Variants in CHEK1 observed in about 807,000 individuals in gnomAD.
CHEK1 encodes the protein serine/threonine-protein kinase Chk1.
Under a neutral mutation model 60.2 loss-of-function variants are expected in CHEK1, and 32 were observed. That is an observed-to-expected ratio of 0.53 (90% CI 0.40 to 0.71). CHEK1 has a LOEUF of 0.71. CHEK1 is among the 30% of genes least tolerant of loss of function. The probability of loss-of-function intolerance (pLI) is 0.00; values close to 1 mark genes in which losing one functional copy is unlikely to be tolerated. For synonymous variants in CHEK1, 179 were observed against 187.2 expected, an observed-to-expected ratio of 0.96 and a Z score of 0.36; for missense variants, 399 against 564.6, an observed-to-expected ratio of 0.71 and a Z score of 2.97.
In CHEK1 at chr11:125,626,148, C is replaced by A. The variant is rs2135965949; in HGVS notation, c.-21+136C>A. 3 of 610,248 alleles carry A rather than the reference C, an allele frequency of 4.9e-6. No homozygotes were observed. The South Asian group carries it at 5.6e-5, about 11-fold the overall frequency. 37.8% of individuals were successfully genotyped at this position (610,248 alleles called of 1,614,324 possible). On this transcript the variant is annotated intron_variant, in intron 1 of 12. Transcript: ENST00000438015. ...GATTGGAGAGACTCCTGCGGAGGGG[C>A]GGTTTCGGAGGGTGGAGGAATGGTA...
At chr11:125,677,665 C>CT, downstream of CHEK1, 2 of 1,270,256 alleles carry the variant, frequency 1.6e-6, no homozygotes, top group Non-Finnish European at 2.2e-6. Flanking sequence ...ACTAGAGAGA[C>CT]TTTGAGAGAG....
At chr11:125,639,963 A>G (rs193196284) in intron 8 of CHEK1, among the ~76,000 whole-genome samples, 558 of 152,264 alleles carry the variant, frequency 3.7e-3, no homozygotes, top group Non-Finnish European at 6.3e-3. Context: ...TCTCATCAGC[A>G]TATCTACATG....
Position 125,655,413 on chromosome 11 carries a change from C to A in CHEK1, c.*93C>A. ...GAAGATTATCCTGTCCTGCAAACTG[C>A]AAATAGTAGTTCCTGAAGTGTTCAC... On this transcript the variant is annotated 3_prime_UTR_variant, in exon 13 of 13. Transcript: ENST00000438015. The A allele has an allele frequency of 1.3e-6, 1 of 796,966 alleles. No homozygotes were observed. The highest frequency in any genetic ancestry group is 2.0e-6 in the Non-Finnish European group (1 of 495,592). 49.4% of individuals were successfully genotyped at this position (796,966 alleles called of 1,614,324 possible).
chr11:125,627,169 G>A, intron 2 of CHEK1, among the ~76,000 whole-genome samples: 1 of 152,104 alleles, frequency 6.6e-6, no homozygotes, highest in South Asian at 2.1e-4. Context: ...ATTGTTTTGT[G>A]ATCTTAGGCA....
intron 5 of CHEK1, among the ~76,000 whole-genome samples, chr11:125,630,471 T>G (rs148764740): frequency 4.9e-4 from 75 of 152,130 alleles, no homozygotes; most frequent in African/African-American, 1.6e-3. Flanking sequence ...TCACCACACC[T>G]GGCTCATTTT....
intron 8 of CHEK1, among the ~76,000 whole-genome samples, chr11:125,638,480 G>A (rs1565370273): frequency 6.6e-6 from 1 of 152,106 alleles, no homozygotes; most frequent in Non-Finnish European, 1.5e-5. Flanking sequence ...AGTTATTAAT[G>A]TTTAACTCTG....
At chr11:125,640,601 G>T (rs1014765015) in intron 8 of CHEK1, among the ~76,000 whole-genome samples, 19 of 151,556 alleles carry the variant, frequency 1.3e-4, no homozygotes, top group African/African-American at 4.6e-4. Context: ...ACGGGATCTC[G>T]CTCTGTCGCC....
chr11:125,626,128 G>A, intron 1 of CHEK1, 116 bp downstream of exon 1: 1 of 625,644 alleles, frequency 1.6e-6, no homozygotes, highest in Admixed American at 2.4e-5. Context: ...CAGGGGATTG[G>A]AGAGACTCCT....
intron 13 of CHEK1, among the ~76,000 whole-genome samples, chr11:125,665,869 C>CT (rs66560397): frequency 0.064 from 1,962 of 30,606 alleles, 80 homozygotes; most frequent in East Asian, 0.091. Flanking sequence ...CTTCATTCCC[C>CT]TTTTTTTTTT....
chr11:125,674,875 A>G (rs745979485), intron 13 of CHEK1, among the ~76,000 whole-genome samples: 11 of 152,228 alleles, frequency 7.2e-5, no homozygotes, highest in Admixed American at 2.0e-4. Context: ...GCTCCAGTCA[A>G]CCTTTCCAAG....
chr11:125,640,412 T>G (rs1023915786), intron 8 of CHEK1, among the ~76,000 whole-genome samples: 24 of 151,726 alleles, frequency 1.6e-4, no homozygotes, highest in South Asian at 1.0e-3. Context: ...GAGGTGGCGG[T>G]CGCCTGTAGT....
At chr11:125,680,591 T>C, downstream of CHEK1, 5 of 724,086 alleles carry the variant, frequency 6.9e-6, no homozygotes, top group South Asian at 9.1e-5. Context: ...GCTCTCCGAG[T>C]TGGACTTGTT....
chr11:125,646,179 C>T (rs954119357), intron 11 of CHEK1, among the ~76,000 whole-genome samples: 1 of 151,948 alleles, frequency 6.6e-6, no homozygotes, highest in Non-Finnish European at 1.5e-5. Flanking sequence ...CTCGAATCTA[C>T]TTTCTGTCTT....
At chr11:125,629,350 A>G (rs201570663) in intron 4 of CHEK1, 41 bp from the exon 5 acceptor site, 149 of 1,612,044 alleles carry the variant, frequency 9.2e-5, no homozygotes, top group East Asian at 5.8e-4. Context: ...AATACATTAC[A>G]TTACCAAATT....
Position 125,625,685 on chromosome 11 carries a change from A to G in CHEK1, c.-348A>G. On this transcript the variant is annotated 5_prime_UTR_variant, in exon 1 of 13. Coordinates refer to ENST00000438015, the MANE Select transcript of CHEK1 (RefSeq NM_001114122.3). Reference sequence around the variant, plus strand: ...CTTGGAGGCCTGGGCTTCCCCCAGCAGCGCTCGAGCACCGCCCAGTCGAGC... The same window carrying G: ...CTTGGAGGCCTGGGCTTCCCCCAGCGGCGCTCGAGCACCGCCCAGTCGAGC... The G allele has an allele frequency of 1.6e-6, 1 of 622,404 alleles. No homozygotes were observed. The highest frequency in any genetic ancestry group is 2.9e-6 in the Non-Finnish European group (1 of 341,818). 38.6% of individuals were successfully genotyped at this position (622,404 alleles called of 1,614,324 possible). A position where few individuals can be genotyped will look rare whatever the true frequency, so the allele number is the denominator to read the frequency against.
intron 11 of CHEK1, among the ~76,000 whole-genome samples, chr11:125,650,464 T>TG (rs1941679628): frequency 6.6e-6 from 1 of 150,420 alleles, no homozygotes. Flanking sequence ...GTTTGTTTTT[T>TG]TTTTTTTTTG....
downstream of CHEK1, among the ~76,000 whole-genome samples, chr11:125,658,342 C>T (rs1011883323): frequency 2.6e-5 from 4 of 152,172 alleles, no homozygotes; most frequent in East Asian, 5.8e-4. Flanking sequence ...TGTTAATTTG[C>T]TTGTTCCTAA....
chr11:125,661,437 C>T (rs1942013157), downstream of CHEK1, among the ~76,000 whole-genome samples: 1 of 152,014 alleles, frequency 6.6e-6, no homozygotes, highest in Non-Finnish European at 1.5e-5. Flanking sequence ...TCAGCCTCCC[C>T]AGTAGCTGGG....
intron 13 of CHEK1, among the ~76,000 whole-genome samples, chr11:125,672,924 G>T (rs1038099685): frequency 2.6e-5 from 4 of 152,010 alleles, no homozygotes; most frequent in African/African-American, 7.2e-5. Context: ...CGTTTCTATG[G>T]ACTCCTTTTT....
Sources: gnomAD v4.1 joint callset for allele counts (sites outside exome capture counted in the v4.1 genomes callset) on GRCh38, gnomAD v4.1.1 for gene constraint, MANE v1.5 for transcripts, NCBI Gene and HGNC (gene_info 2026-07-23, HGNC 2026-07-21) for gene names.